Variants in CHSY3 observed in about 807,000 individuals in gnomAD.
CHSY3 encodes chondroitin sulfate synthase 3.
A neutral mutation model predicts 67.2 loss-of-function variants in CHSY3; 35 were observed. That is an observed-to-expected ratio of 0.52 (90% CI 0.40 to 0.69). The LOEUF (loss-of-function observed/expected upper bound fraction) is 0.69, where lower values mean the gene tolerates loss of function less well. Ranked by LOEUF, CHSY3 falls within the 30% of genes least tolerant of loss-of-function variation. The pLI, the probability that CHSY3 is intolerant of heterozygous loss-of-function variation, is 0.00. For synonymous variants in CHSY3, 474 were observed against 434.7 expected (o/e 1.09, Z -1.12); for missense variants, 1,069 against 1,138.5 (o/e 0.94, Z 0.88).
At chr5:130,112,444 C>T (rs940994277) in intron 2 of CHSY3, among the ~76,000 whole-genome samples, 2 of 152,008 alleles carry the variant, frequency 1.3e-5, no homozygotes, top group Non-Finnish European at 2.9e-5. Context: ...CGAGAATTTG[C>T]ATTTCTAAGT....
At chr5:130,069,939 C>A (rs1766005869) in intron 2 of CHSY3, among the ~76,000 whole-genome samples, 1 of 151,986 alleles carries the variant, frequency 6.6e-6, no homozygotes, top group South Asian at 2.1e-4. Flanking sequence ...ATTACCATTT[C>A]TACTGTAGCA....
intron 2 of CHSY3, among the ~76,000 whole-genome samples, chr5:130,116,142 C>T (rs191782164): frequency 9.4e-4 from 143 of 152,278 alleles, no homozygotes; most frequent in Non-Finnish European, 1.4e-3. Context: ...AAAATCCTTT[C>T]TGGGAAGTTT....
chr5:130,149,527 A>C (rs1172159164), intron 2 of CHSY3, among the ~76,000 whole-genome samples: 2 of 152,186 alleles, frequency 1.3e-5, no homozygotes, highest in Non-Finnish European at 2.9e-5. Context: ...GACAGCACCA[A>C]GCCATAAGGG....
At chr5:129,960,407 T>G (rs1053384148) in intron 2 of CHSY3, among the ~76,000 whole-genome samples, 1 of 152,100 alleles carries the variant, frequency 6.6e-6, no homozygotes, top group Admixed American at 6.6e-5. Context: ...CTGGGTATAC[T>G]TTTTAATAAA....
intron 2 of CHSY3, among the ~76,000 whole-genome samples, chr5:129,978,213 A>T (rs1304196231): frequency 6.6e-6 from 1 of 152,138 alleles, no homozygotes; most frequent in Non-Finnish European, 1.5e-5. Flanking sequence ...CTTTTGAAAA[A>T]AAGATGGTCA....
At chr5:129,956,225 C>T (rs1269415053) in intron 2 of CHSY3, among the ~76,000 whole-genome samples, 1 of 151,964 alleles carries the variant, frequency 6.6e-6, no homozygotes, top group East Asian at 1.9e-4. Flanking sequence ...TTAATAATAA[C>T]CATTCTGACT....
intron 2 of CHSY3, among the ~76,000 whole-genome samples, chr5:129,951,319 A>G (rs950535943): frequency 1.3e-5 from 2 of 152,174 alleles, no homozygotes; most frequent in Admixed American, 1.3e-4. Flanking sequence ...GAAAAGCCCC[A>G]TGACGTTGGT....
chr5:129,956,709 T>C (rs1038878092), intron 2 of CHSY3, among the ~76,000 whole-genome samples: 1 of 152,168 alleles, frequency 6.6e-6, no homozygotes, highest in African/African-American at 2.4e-5. Flanking sequence ...GCACCATTTA[T>C]TGAATAGGGA....
At chr5:130,095,747 T>C (rs1028795541) in intron 2 of CHSY3, among the ~76,000 whole-genome samples, 1 of 152,248 alleles carries the variant, frequency 6.6e-6, no homozygotes, top group Non-Finnish European at 1.5e-5. Context: ...GATATTTGCA[T>C]AGTCTCAAAG....
chr5:130,077,354 A>G (rs768548068), intron 2 of CHSY3, among the ~76,000 whole-genome samples: 6 of 152,100 alleles, frequency 3.9e-5, no homozygotes, highest in Non-Finnish European at 5.9e-5. Context: ...AATTTGAAGT[A>G]CCTGGATACC....
rs536844981 is a variant in CHSY3, at chr5:130,034,591, A to G, written c.1086+126231A>G. ...AGATAAAATGGTGAACAAAACAGTC[A>G]AAATCCTTCACTTCATAGAAGTTAG... On this transcript the variant is annotated intron_variant, in intron 2 of 2. Coordinates refer to ENST00000305031, the MANE Select transcript of CHSY3 (RefSeq NM_175856.5). Among the ~76,000 whole-genome samples, 175 of 152,272 alleles carry G rather than the reference A, an allele frequency of 1.1e-3. 3 individuals carry two copies. In the South Asian group the frequency reaches 0.035, roughly 31 times the overall value.
intron 2 of CHSY3, among the ~76,000 whole-genome samples, chr5:129,974,029 T>C (rs1762721135): frequency 6.6e-6 from 1 of 152,146 alleles, no homozygotes; most frequent in Non-Finnish European, 1.5e-5. Flanking sequence ...TCTTAATAGA[T>C]TGACCACCTC....
In CHSY3 at chr5:129,905,775, AC is replaced by A. The variant is rs1352520361; in HGVS notation, c.802+148del. The A allele has an allele frequency of 2.3e-6, 3 of 1,292,310 alleles. No homozygotes were observed. In the African/African-American group the frequency reaches 7.2e-5, roughly 31 times the overall value. 80.1% of individuals were successfully genotyped at this position (1,292,310 alleles called of 1,614,324 possible). Reference sequence around the variant, plus strand: ...CCACAGGCCCTGGCCCGCCCTCCCCACCCCTTGCATCCGCCCACAATTCGTA... The same window carrying A: ...CCACAGGCCCTGGCCCGCCCTCCCCACCCTTGCATCCGCCCACAATTCGTA... On this transcript the variant is annotated intron_variant, in intron 1 of 2. Transcript: ENST00000305031.
At chr5:130,101,714 C>T (rs578205988) in intron 2 of CHSY3, among the ~76,000 whole-genome samples, 48 of 151,974 alleles carry the variant, frequency 3.2e-4, no homozygotes, top group African/African-American at 3.9e-4. Context: ...ACTTATATTT[C>T]GAAATTTACA....
intron 2 of CHSY3, among the ~76,000 whole-genome samples, chr5:130,007,944 A>G (rs569996020): frequency 3.4e-4 from 51 of 152,230 alleles, no homozygotes; most frequent in Admixed American, 1.8e-3. Context: ...AGCCACTACC[A>G]TAGCTTTTTT....
chr5:130,095,919 G>A (rs1232879939), intron 2 of CHSY3, among the ~76,000 whole-genome samples: 1 of 152,198 alleles, frequency 6.6e-6, no homozygotes, highest in Non-Finnish European at 1.5e-5. Flanking sequence ...CATCACCTGC[G>A]TGGTATCGTT....
chr5:130,145,922 G>A (rs1769061184), intron 2 of CHSY3, among the ~76,000 whole-genome samples: 2 of 152,050 alleles, frequency 1.3e-5, no homozygotes, highest in African/African-American at 4.8e-5. Context: ...ATTCCATTTA[G>A]AATGGCTATC....
intron 2 of CHSY3, among the ~76,000 whole-genome samples, chr5:130,116,825 T>G (rs1446995877): frequency 6.6e-6 from 1 of 151,590 alleles, no homozygotes; most frequent in Non-Finnish European, 1.5e-5. Flanking sequence ...TGACAAATTC[T>G]CCTGAAGTGA....
chr5:130,150,456 G>GA (rs1446383659), intron 2 of CHSY3, among the ~76,000 whole-genome samples: 11 of 152,016 alleles, frequency 7.2e-5, no homozygotes, highest in African/African-American at 2.7e-4. Flanking sequence ...ACTTTAAAAT[G>GA]AAAAAATGTA....
Sources: allele counts gnomAD v4.1 joint callset (sites outside exome capture counted in the v4.1 genomes callset), GRCh38; gene constraint gnomAD v4.1.1; transcripts MANE v1.5; gene names NCBI Gene and HGNC (gene_info 2026-07-23, HGNC 2026-07-21).